NRG1: variants seen among roughly 807,000 people sequenced by gnomAD.
NRG1 encodes pro-neuregulin-1, membrane-bound isoform.
NRG1 carries 18 observed loss-of-function variants against 63.8 expected under a neutral mutation model. That is an observed-to-expected ratio of 0.28 (90% CI 0.19 to 0.42). The LOEUF (loss-of-function observed/expected upper bound fraction) is 0.42, where lower values mean the gene tolerates loss of function less well. NRG1 is among the 10% of genes least tolerant of loss of function. The pLI is 1.00. For synonymous variants in NRG1, 302 were observed against 301.3 expected (o/e 1.00, Z -0.02); for missense variants, 762 against 814.7 (o/e 0.94, Z 0.79).
At chr8:31,813,388 A>G (rs1422782256) in intron 1 of NRG1, among the ~76,000 whole-genome samples, 2 of 152,116 alleles carry the variant, frequency 1.3e-5, no homozygotes, top group Admixed American at 6.5e-5. Flanking sequence ...TGCCTCAAGC[A>G]TTTATCCTTT....
intron 1 of NRG1, among the ~76,000 whole-genome samples, chr8:32,066,013 G>A (rs1280903383): frequency 1.3e-5 from 2 of 152,154 alleles, no homozygotes; most frequent in African/African-American, 2.4e-5. Flanking sequence ...CCTATCCTTT[G>A]CCCACTTTTT....
At chr8:31,907,207 A>T (rs1016767546) in intron 1 of NRG1, among the ~76,000 whole-genome samples, 1 of 135,708 alleles carries the variant, frequency 7.4e-6, no homozygotes, top group African/African-American at 2.9e-5. Flanking sequence ...GTGAAAGAAT[A>T]TGATGAACTC....
At chr8:32,641,268 A>G (rs1451277607) in intron 5 of NRG1, among the ~76,000 whole-genome samples, 3 of 152,006 alleles carry the variant, frequency 2.0e-5, no homozygotes, top group African/African-American at 7.2e-5. Flanking sequence ...TCTAGAAGAA[A>G]GGGTAGCCGA....
chr8:32,414,984 C>A (rs571591956), intron 1 of NRG1, among the ~76,000 whole-genome samples: 2 of 152,138 alleles, frequency 1.3e-5, no homozygotes, highest in South Asian at 4.2e-4. Context: ...GGAGATGATA[C>A]CTAAACTTTG....
chr8:32,591,795 G>T (rs957914187), intron 1 of NRG1, among the ~76,000 whole-genome samples: 1 of 152,050 alleles, frequency 6.6e-6, no homozygotes, highest in Non-Finnish European at 1.5e-5. Context: ...CCTTGAGAGC[G>T]GAGGGTGAGA....
At chr8:32,425,950 G>C (rs927851595) in intron 1 of NRG1, among the ~76,000 whole-genome samples, 1 of 152,102 alleles carries the variant, frequency 6.6e-6, no homozygotes, top group African/African-American at 2.4e-5. Flanking sequence ...GGTTAGAGTG[G>C]GTAGAAACTA....
At position 31,832,934 on chromosome 8, in the gene NRG1, CT is replaced by C. The variant is rs199953998; in HGVS notation, c.37+193504del. 3.9e-3 allele frequency among the ~76,000 whole-genome samples: 586 copies of C among 152,058 alleles called. 3 individuals carry two copies. Among genetic ancestry groups the C allele is most frequent in the African/African-American group, 0.013 (550 of 41,470 alleles). On this transcript the variant is annotated intron_variant, in intron 1 of 10. Coordinates refer to the NRG1 transcript ENST00000519301. ...ATGAACATTCTTTGAGAATCTGAAC[CT>C]GAGAACTGTCTCTTTAGGATGAAGT...
At chr8:32,243,480 T>C (rs551290513) in intron 1 of NRG1, among the ~76,000 whole-genome samples, 1 of 151,158 alleles carries the variant, frequency 6.6e-6, no homozygotes, top group African/African-American at 2.4e-5. Context: ...GGGCCCACCC[T>C]ATGGAACTCA....
chr8:32,169,636 G>A (rs2881472), intron 1 of NRG1, among the ~76,000 whole-genome samples: 67,884 of 151,930 alleles, frequency 0.45, 16,965 homozygotes, highest in Admixed American at 0.57. Flanking sequence ...CTTGATAATT[G>A]ATAACCTTCA....
At position 32,187,806 on chromosome 8, in the gene NRG1, G is replaced by A. The variant is rs78218789; in HGVS notation, c.38-408022G>A. On this transcript the variant is annotated intron_variant, in intron 1 of 10. Coordinates refer to the NRG1 transcript ENST00000519301. ...TACCAGCACATGTTGATAGCAGAAAGCAGATTGGCTTTTAGCCAGTTTTAT... is the reference window on the plus strand; with the variant it reads ...TACCAGCACATGTTGATAGCAGAAAACAGATTGGCTTTTAGCCAGTTTTAT... Among the ~76,000 whole-genome samples, 111 of 152,230 alleles carry A rather than the reference G, an allele frequency of 7.3e-4. No homozygotes were observed. The East Asian group carries it at 0.019, about 26-fold the overall frequency.
chr8:32,153,554 A>C (rs1017170181), intron 1 of NRG1, among the ~76,000 whole-genome samples: 21 of 152,192 alleles, frequency 1.4e-4, no homozygotes, highest in African/African-American at 4.6e-4. Flanking sequence ...ACTCCCTGAA[A>C]TCCACTTGAT....
chr8:31,688,725 G>C (rs899289070), intron 1 of NRG1, among the ~76,000 whole-genome samples: 4 of 152,126 alleles, frequency 2.6e-5, no homozygotes, highest in Non-Finnish European at 4.4e-5. Flanking sequence ...TCTGAAGACT[G>C]GGTTGGGGGT....
rs138091344 is a variant in NRG1, at chr8:31,800,006, T to C, written c.37+160575T>C. Among the ~76,000 whole-genome samples the C allele has an allele frequency of 6.5e-4, 99 of 152,358 alleles. 1 individual carries two copies. The East Asian group carries it at 0.019, about 29-fold the overall frequency. Reference sequence around the variant, plus strand: ...TGAAGCCATGTTGAACCTATACAGGTTAATTGATGCAATTCTCTTGGAAAC... The same window carrying C: ...TGAAGCCATGTTGAACCTATACAGGCTAATTGATGCAATTCTCTTGGAAAC... On this transcript the variant is annotated intron_variant, in intron 1 of 10. Transcript: ENST00000519301.
chr8:32,712,850 T>C (rs1411612034), intron 5 of NRG1, among the ~76,000 whole-genome samples: 2 of 152,172 alleles, frequency 1.3e-5, no homozygotes, highest in Non-Finnish European at 2.9e-5. Context: ...GTTGGAACTT[T>C]GTACTGACCT....
intron 1 of NRG1, among the ~76,000 whole-genome samples, chr8:31,963,642 A>G (rs1211349536): frequency 6.6e-6 from 1 of 152,194 alleles, no homozygotes. Context: ...ACAATTGTAT[A>G]TCTCCTCTCT....
At chr8:32,247,093 T>C (rs1391610227) in intron 1 of NRG1, among the ~76,000 whole-genome samples, 2 of 120,758 alleles carry the variant, frequency 1.7e-5, no homozygotes, top group East Asian at 2.2e-4. Flanking sequence ...TCATAAATTG[T>C]CAATTTACAG....
At chr8:32,353,730 T>C (rs1448918619) in intron 1 of NRG1, among the ~76,000 whole-genome samples, 2 of 152,210 alleles carry the variant, frequency 1.3e-5, no homozygotes, top group Non-Finnish European at 2.9e-5. Flanking sequence ...AAATGTACGA[T>C]GACACAACCC....
chr8:31,963,207 A>T (rs936164077), intron 1 of NRG1, among the ~76,000 whole-genome samples: 11 of 152,232 alleles, frequency 7.2e-5, no homozygotes, highest in African/African-American at 2.4e-4. Context: ...TGCCAATGAA[A>T]CAATAGGGCT....
chr8:32,273,187 A>G (rs903971817), intron 1 of NRG1, among the ~76,000 whole-genome samples: 1 of 152,128 alleles, frequency 6.6e-6, no homozygotes, highest in Non-Finnish European at 1.5e-5. Flanking sequence ...TGAGTTGCAT[A>G]TGTGCTTTGT....
Sources: gnomAD v4.1 joint callset for allele counts (sites outside exome capture counted in the v4.1 genomes callset) on GRCh38, gnomAD v4.1.1 for gene constraint, MANE v1.5 for transcripts, NCBI Gene and HGNC (gene_info 2026-07-23, HGNC 2026-07-21) for gene names.